TRRAP: variants seen among roughly 807,000 people sequenced by gnomAD.
TRRAP encodes transformation/transcription domain-associated protein.
In TRRAP, 41 loss-of-function variants were observed where a neutral mutation model predicts 438.8. That is an observed-to-expected ratio of 0.09 (90% confidence interval 0.07 to 0.12). The LOEUF (loss-of-function observed/expected upper bound fraction) is 0.12. Among genes scored for constraint, TRRAP ranks in the 10% least tolerant of loss-of-function variants. The pLI is 1.00. For missense variants in TRRAP, 3,122 were observed against 5,055.1 expected, an observed-to-expected ratio of 0.62 and a Z score of 11.60; for synonymous variants, 1,994 against 1,962.9, an observed-to-expected ratio of 1.02 and a Z score of -0.42.
intron 58 of TRRAP, among the ~76,000 whole-genome samples, chr7:98,980,925 A>G (rs765800026): frequency 8.5e-5 from 13 of 152,102 alleles, no homozygotes; most frequent in Admixed American, 2.6e-4. Context: ...TGTGGGGTAC[A>G]TGCCTGTAGT....
At chr7:98,920,180 T>C (rs544323126) in intron 20 of TRRAP, among the ~76,000 whole-genome samples, 1 of 152,120 alleles carries the variant, frequency 6.6e-6, no homozygotes, top group Admixed American at 6.5e-5. Context: ...TTTAAGAAAA[T>C]AGATTTATGG....
chr7:98,895,442 G>C (rs1179371418), intron 6 of TRRAP, among the ~76,000 whole-genome samples: 1 of 152,218 alleles, frequency 6.6e-6, no homozygotes, highest in African/African-American at 2.4e-5. Flanking sequence ...CGGCCCCACA[G>C]TATATGAGAG....
chr7:98,980,775 C>T (rs946347842), intron 58 of TRRAP, among the ~76,000 whole-genome samples: 6 of 152,238 alleles, frequency 3.9e-5, no homozygotes, highest in Non-Finnish European at 5.9e-5. Context: ...CCCATGTGGC[C>T]GGGCGTGGTG....
chr7:99,004,464 C>G, intron 68 of TRRAP, 49 bp downstream of exon 68: 1 of 1,527,568 alleles, frequency 6.5e-7, no homozygotes, highest in Non-Finnish European at 9.0e-7. Context: ...CGCCCATGGA[C>G]ATGGAGCCCC....
At chr7:99,000,681 T>C (rs982096245) in intron 67 of TRRAP, among the ~76,000 whole-genome samples, 1 of 152,212 alleles carries the variant, frequency 6.6e-6, no homozygotes, top group Non-Finnish European at 1.5e-5. Context: ...GCCCCAGCGC[T>C]GGGATCAGAG....
intron 33 of TRRAP, among the ~76,000 whole-genome samples, chr7:98,946,536 A>C (rs1791073306): frequency 6.7e-6 from 1 of 148,970 alleles, no homozygotes; most frequent in Admixed American, 6.7e-5. Flanking sequence ...CACTCACAAC[A>C]TACATGCACT....
At chr7:98,999,822 G>A (rs1793835579) in intron 67 of TRRAP, 1 of 490,070 alleles carries the variant, frequency 2.0e-6, no homozygotes, top group Non-Finnish European at 3.7e-6. Context: ...GATCGATGCT[G>A]ATTTCTCCAC....
intron 57 of TRRAP, 57 bp from the exon 58 acceptor site, chr7:98,978,712 T>C: frequency 6.2e-7 from 1 of 1,609,812 alleles, no homozygotes; most frequent in African/African-American, 1.3e-5. Context: ...CCTGCCTTTG[T>C]GAATTCATGA....
rs1791538601 is a variant in TRRAP at position 98,955,187 on chromosome 7, C to T, written c.5820C>T (p.Ala1940=). 1 of 1,614,194 alleles carries T rather than the reference C, an allele frequency of 6.2e-7. No homozygotes were observed. Among genetic ancestry groups the T allele is most frequent in the East Asian group, 2.2e-5 (1 of 44,878 alleles). ...CCATTCTGACCCCGGCGGTGCCGGC[C>T]AGGATGGAGGACGGGCACCAGATGC... ...AMAILTPAVP[A]RMEDGHQMLT... is the part of the protein sequence containing the mutation. The change falls in exon 41 of 73, where the codon GCC becomes GCT. Residue 1940 remains alanine (A), a synonymous_variant. Transcript: ENST00000456197.
intron 21 of TRRAP, among the ~76,000 whole-genome samples, chr7:98,923,008 G>T (rs782259339): frequency 3.9e-5 from 6 of 151,926 alleles, no homozygotes; most frequent in Non-Finnish European, 7.4e-5. Flanking sequence ...CCTGTCCCCC[G>T]CAACTTCCTC....
Position 98,981,859 on chromosome 7 carries a change from A to G in TRRAP, c.8725A>G (p.Ser2909Gly). ...AICHPEEQQL[S>G]FIERLVEMAS... Reference sequence around the variant, plus strand: ...CTGCCACCCCGAGGAGCAGCAGCTCAGCTTCATCGAGCGCCTGGTGGAGAT... The same window carrying G: ...CTGCCACCCCGAGGAGCAGCAGCTCGGCTTCATCGAGCGCCTGGTGGAGAT... The change falls in exon 59 of 73, where the codon AGC (serine) becomes GGC (glycine). Residue 2909 changes from serine to glycine, a missense_variant. Around this residue, in one of 24 missense-constraint regions of TRRAP, gnomAD observed 992 missense variants for 1,281.2 expected, o/e 0.77. Coordinates refer to ENST00000456197, the MANE Select transcript of TRRAP (RefSeq NM_001375524.1). The G allele has an allele frequency of 6.2e-7, 1 of 1,608,378 alleles. No individual in the cohort carries two copies. Among genetic ancestry groups the G allele is most frequent in the Non-Finnish European group, 8.5e-7 (1 of 1,178,186 alleles).
chr7:98,944,591 A>T (rs1320516185), intron 31 of TRRAP, among the ~76,000 whole-genome samples: 3 of 152,122 alleles, frequency 2.0e-5, no homozygotes, highest in Non-Finnish European at 4.4e-5. Context: ...CTCAGAGGCC[A>T]TGGTGTTTGG....
rs547865226 is a variant in TRRAP, at chr7:98,930,348, G to A, written c.3393+142G>A. On this transcript the variant is annotated intron_variant, in intron 24 of 72. Coordinates refer to ENST00000456197, the MANE Select transcript of TRRAP (RefSeq NM_001375524.1). ...TCCCAGCACTTTGAGAGGCCAAGGC[G>A]GGCGGCTCACCTGAGGTTGGGAGTT... is the stretch of plus-strand genomic sequence containing the variant. The A allele has an allele frequency of 1.3e-5, 14 of 1,101,596 alleles. 1 individual carries two copies. The highest frequency in any genetic ancestry group is 7.9e-5 in the Admixed American group (3 of 38,156). The allele number at this position is 1,101,596 out of a possible 1,614,324, so 68.2% of individuals were successfully genotyped here.
At chr7:98,988,994 A>G (rs1793272074) in intron 63 of TRRAP, 28 bp downstream of exon 63, 14 of 1,599,996 alleles carry the variant, frequency 8.8e-6, no homozygotes, top group Non-Finnish European at 1.2e-5. Flanking sequence ...AGCTTTGACC[A>G]GAGGCCATCT....
At chr7:98,879,765 G>A (rs1795332886) in intron 1 of TRRAP, among the ~76,000 whole-genome samples, 1 of 152,204 alleles carries the variant, frequency 6.6e-6, no homozygotes, top group African/African-American at 2.4e-5. Flanking sequence ...ACACCTGTGG[G>A]CATGCTCTCT....
chr7:99,002,154 C>T (rs1183323169), intron 67 of TRRAP, among the ~76,000 whole-genome samples: 3 of 151,618 alleles, frequency 2.0e-5, no homozygotes, highest in East Asian at 1.9e-4. Flanking sequence ...TGGGTGGTAG[C>T]TGTGAAGGGC....
At position 98,917,405 on chromosome 7, in the gene TRRAP, C is replaced by T; in HGVS notation, c.2366-18C>T. The T allele has an allele frequency of 6.2e-7, 1 of 1,610,694 alleles. No homozygotes were observed. Among genetic ancestry groups the T allele is most frequent in the South Asian group, 1.1e-5 (1 of 90,874 alleles). ...GGGGAGCGTCTTCCCTCTCTGATAGCTGCACCCCCTTCCCTAGGGCTGAAC... is the reference window on the plus strand; with the variant it reads ...GGGGAGCGTCTTCCCTCTCTGATAGTTGCACCCCCTTCCCTAGGGCTGAAC... On this transcript the variant is annotated intron_variant, in intron 19 of 72. Coordinates refer to ENST00000456197, the MANE Select transcript of TRRAP (RefSeq NM_001375524.1).
Position 98,997,641 on chromosome 7 carries a change from G to C in TRRAP, c.10309+2793G>C, listed in dbSNP as rs192811247. Among the ~76,000 whole-genome samples the C allele has an allele frequency of 3.3e-3, 501 of 151,584 alleles. 1 individual carries two copies. Among genetic ancestry groups the C allele is most frequent in the African/African-American group, 0.011 (450 of 40,956 alleles). On this transcript the variant is annotated intron_variant, in intron 67 of 72. Coordinates refer to ENST00000456197, the MANE Select transcript of TRRAP (RefSeq NM_001375524.1). ...CAGATAATTCAGGAACATTCAGCTT[G>C]GAAATATATTAGGCTTTCTCCTAGT...
At chr7:98,912,853 T>C (rs1264929355) in intron 18 of TRRAP, among the ~76,000 whole-genome samples, 1 of 152,100 alleles carries the variant, frequency 6.6e-6, no homozygotes, top group Non-Finnish European at 1.5e-5. Context: ...AACATCTTTA[T>C]TGCAAGGTTG....
Sources: allele counts gnomAD v4.1 joint callset (sites outside exome capture counted in the v4.1 genomes callset), GRCh38; gene constraint gnomAD v4.1.1; regional missense constraint gnomAD v4.1.1; transcripts MANE v1.5; gene names NCBI Gene and HGNC (gene_info 2026-07-23, HGNC 2026-07-21).